The following MICAL3 variants were observed in gnomAD, a reference collection of about 807,000 sequenced individuals.
MICAL3 encodes microtubule associated monooxygenase, calponin and LIM domain containing 3, also known as [F-actin]-monooxygenase MICAL3.
A neutral mutation model predicts 207.4 loss-of-function variants in MICAL3; 62 were observed. The ratio of observed to expected loss-of-function variants is 0.30; its 90% CI spans 0.24 to 0.37. The LOEUF is 0.37. Among genes scored for constraint, MICAL3 ranks in the 10% least tolerant of loss-of-function variants. The pLI, the probability that MICAL3 is intolerant of heterozygous loss-of-function variation, is 1.00. For missense variants in MICAL3, 2,368 were observed against 2,635.6 expected, an observed-to-expected ratio of 0.90 and a Z score of 2.22; for synonymous variants, 1,077 against 1,069.3, an observed-to-expected ratio of 1.01 and a Z score of -0.14.
chr22:18,002,694 A>T (rs73392464), intron 1 of MICAL3, among the ~76,000 whole-genome samples: 21,431 of 152,158 alleles, frequency 0.14, 2,503 homozygotes, highest in East Asian at 0.47. Flanking sequence ...GACCTTGAGC[A>T]GGTAAGTACA....
Position 17,831,407 on chromosome 22 carries a change from C to T in MICAL3, c.3055+447G>A, listed in dbSNP as rs760903662. Among the ~76,000 whole-genome samples the T allele has an allele frequency of 3.3e-5, 5 of 152,222 alleles. No homozygotes were observed. The South Asian group carries it at 6.2e-4, about 19-fold the overall frequency. ...ACACTGTCCCCAAAACGCTGCCCTG[C>T]GTGCCATCAACTGAGCCCCATCCAG... is the stretch of plus-strand genomic sequence containing the variant. On this transcript the variant is annotated intron_variant, in intron 21 of 31. Transcript: ENST00000441493.
At chr22:17,823,184 G>A (rs1016587799) in intron 22 of MICAL3, 124 bp from the exon 23 acceptor site, 1 of 681,594 alleles carries the variant, frequency 1.5e-6, no homozygotes. Flanking sequence ...GGAGAGGGGA[G>A]ATGCTGCCAG....
chr22:17,998,105 C>T (rs1922498919), intron 1 of MICAL3, among the ~76,000 whole-genome samples: 1 of 152,106 alleles, frequency 6.6e-6, no homozygotes, highest in African/African-American at 2.4e-5. Context: ...AGTTCGAGAC[C>T]AGCCTGACCA....
intron 29 of MICAL3, 141 bp from the exon 30 acceptor site, chr22:17,791,442 C>CT (rs2061823736): frequency 2.7e-6 from 2 of 738,362 alleles, no homozygotes; most frequent in Admixed American, 4.4e-5. Context: ...CAAGGTTTGC[C>CT]TGCAGCCATG....
intron 15 of MICAL3, 96 bp downstream of exon 15, chr22:17,887,074 G>A (rs919646385): frequency 1.7e-5 from 9 of 523,098 alleles, no homozygotes; most frequent in African/African-American, 1.4e-4. Context: ...GGATGAATAT[G>A]AAAAGACCTA....
At chr22:17,829,555 TA>T (rs1481791937) in intron 21 of MICAL3, among the ~76,000 whole-genome samples, 9 of 152,118 alleles carry the variant, frequency 5.9e-5, no homozygotes, top group Admixed American at 1.3e-4. Context: ...CTGAGGAAGG[TA>T]AGTCAAAGAG....
At chr22:17,815,727 A>T (rs1388246597) in intron 27 of MICAL3, 2 of 152,450 alleles carry the variant, frequency 1.3e-5, no homozygotes, top group African/African-American at 2.4e-5. Context: ...AGGCCAAGGG[A>T]GACGAATGCA....
chr22:17,969,921 T>C (rs1416602334), intron 1 of MICAL3, among the ~76,000 whole-genome samples: 1 of 152,176 alleles, frequency 6.6e-6, no homozygotes, highest in Non-Finnish European at 1.5e-5. Context: ...TGTGAGGGCC[T>C]CATGAGGTCA....
intron 1 of MICAL3, among the ~76,000 whole-genome samples, chr22:17,943,235 T>C (rs562549290): frequency 6.6e-6 from 1 of 152,340 alleles, no homozygotes; most frequent in South Asian, 2.1e-4. Context: ...CGATTTCAGC[T>C]CACTGCAACC....
intron 20 of MICAL3, among the ~76,000 whole-genome samples, chr22:17,837,713 GGGATTTATA>G (rs1923550625): frequency 6.6e-6 from 1 of 152,224 alleles, no homozygotes; most frequent in Non-Finnish European, 1.5e-5. Flanking sequence ...GACAAGGCTT[GGGATTTATA>G]GGCGCTTGTG....
At chr22:17,874,743 T>C (rs72490631) in intron 16 of MICAL3, among the ~76,000 whole-genome samples, 28,314 of 152,214 alleles carry the variant, frequency 0.19, 3,043 homozygotes, top group East Asian at 0.27. Flanking sequence ...ACCATGCACA[T>C]AGGCCTCAAC....
rs144364253 is a variant in MICAL3 at position 17,964,389 on chromosome 22, C to A, written c.-74-57503G>T. The stretch of plus-strand genomic sequence containing the variant: ...ACACAGTAGCTGCTGGCTGAGGACA[C>A]TGCTGCCAACGCCACAGGCCCCAGC... On this transcript the variant is annotated intron_variant, in intron 1 of 31. Transcript: ENST00000441493. Among the ~76,000 whole-genome samples the A allele has an allele frequency of 9.2e-5, 14 of 152,330 alleles. No individual in the cohort carries two copies. In the East Asian group the frequency reaches 2.5e-3, roughly 27 times the overall value.
chr22:17,850,400 GTTTTTTTTT>G (rs565667574), intron 19 of MICAL3, among the ~76,000 whole-genome samples: 4 of 74,386 alleles, frequency 5.4e-5, no homozygotes, highest in East Asian at 4.4e-4. Context: ...TTTTGAATTA[GTTTTTTTTT>G]TTTTTTTTTT....
At chr22:17,879,580 C>T (rs945836649) in intron 16 of MICAL3, among the ~76,000 whole-genome samples, 1 of 152,172 alleles carries the variant, frequency 6.6e-6, no homozygotes, top group African/African-American at 2.4e-5. Flanking sequence ...GACACAAGGC[C>T]GACTTTCTGC....
chr22:18,008,794 T>C (rs1923560936), intron 1 of MICAL3, among the ~76,000 whole-genome samples: 1 of 151,918 alleles, frequency 6.6e-6, no homozygotes, highest in Admixed American at 6.6e-5. Context: ...GAAATTAAGA[T>C]TGGGTGTGGT....
chr22:17,885,879 T>C lies in MICAL3; in HGVS notation c.2240A>G (p.Gln747Arg). The C allele has an allele frequency of 2.5e-6, 4 of 1,613,892 alleles. No homozygotes were observed. The highest frequency in any genetic ancestry group is 2.5e-6 in the Non-Finnish European group (3 of 1,179,822). ...APAQSIGIRR[Q>R]GSMKKEFPQN... is the part of the protein sequence containing the mutation. ...GGGCAGGGCACGGGTTGGGTTTACC[T>C]GTCTCCGTATGCCGATGGACTGTGC... is the stretch of plus-strand genomic sequence containing the variant. Residue 747 changes from glutamine to arginine, a missense_variant and splice_region_variant, in exon 16 of 32, where the codon CAG (glutamine) becomes CGG (arginine). Coordinates refer to ENST00000441493, the MANE Select transcript of MICAL3 (RefSeq NM_015241.3).
intron 1 of MICAL3, among the ~76,000 whole-genome samples, chr22:17,986,015 C>A (rs1920988623): frequency 6.6e-6 from 1 of 152,158 alleles, no homozygotes; most frequent in African/African-American, 2.4e-5. Flanking sequence ...TCAAGCAATT[C>A]TCTACCTCAG....
intron 17 of MICAL3, among the ~76,000 whole-genome samples, chr22:17,871,117 C>G (rs898608803): frequency 2.0e-5 from 3 of 152,184 alleles, no homozygotes; most frequent in African/African-American, 7.2e-5. Flanking sequence ...CTCCAGCATC[C>G]TATAGGAATG....
At chr22:17,879,446 C>T (rs1764227521) in intron 16 of MICAL3, 2 of 1,520,686 alleles carry the variant, frequency 1.3e-6, no homozygotes, top group Non-Finnish European at 1.8e-6. Context: ...GCATATCGCT[C>T]TATTTGGACC....
Sources: allele counts gnomAD v4.1 joint callset (sites outside exome capture counted in the v4.1 genomes callset), GRCh38; gene constraint gnomAD v4.1.1; transcripts MANE v1.5; gene names NCBI Gene and HGNC (gene_info 2026-07-23, HGNC 2026-07-21).